The following PLCE1 variants were observed in gnomAD, a reference collection of about 807,000 sequenced individuals.
PLCE1 encodes 1-phosphatidylinositol 4,5-bisphosphate phosphodiesterase epsilon-1.
In PLCE1, 119 loss-of-function variants were observed where a neutral mutation model predicts 242.8. The ratio of observed to expected loss-of-function variants is 0.49; its 90% CI spans 0.42 to 0.57. PLCE1 has a LOEUF of 0.57. Ranked by LOEUF, PLCE1 falls within the 20% of genes least tolerant of loss-of-function variation. PLCE1 has a pLI of 0.00. For missense variants in PLCE1, 2,441 were observed against 2,788.8 expected (o/e 0.88, Z 2.81); for synonymous variants, 945 against 1,017.4 (o/e 0.93, Z 1.35).
chr10:94,164,091 C>T (rs2047711655), intron 3 of PLCE1, among the ~76,000 whole-genome samples: 1 of 152,102 alleles, frequency 6.6e-6, no homozygotes, highest in African/African-American at 2.4e-5. Flanking sequence ...AACATTTTTT[C>T]CTTCATTTCA....
chr10:94,215,279 C>T (rs912070794), intron 4 of PLCE1, among the ~76,000 whole-genome samples: 2 of 152,152 alleles, frequency 1.3e-5, no homozygotes, highest in African/African-American at 4.8e-5. Context: ...AGGGCAGCAC[C>T]AACATGGAGT....
chr10:94,039,592 G>A (rs934540999), intron 2 of PLCE1, among the ~76,000 whole-genome samples: 3 of 152,016 alleles, frequency 2.0e-5, no homozygotes, highest in Admixed American at 6.6e-5. Context: ...CACCATGTTG[G>A]CCAGGCTGGT....
intron 4 of PLCE1, among the ~76,000 whole-genome samples, chr10:94,212,786 A>G (rs1488594743): frequency 1.3e-5 from 2 of 152,242 alleles, no homozygotes; most frequent in Non-Finnish European, 1.5e-5. Flanking sequence ...AACATTGCTG[A>G]TCTGTTTCTG....
chr10:94,274,559 T>C (rs2051875130), intron 19 of PLCE1, among the ~76,000 whole-genome samples: 1 of 139,320 alleles, frequency 7.2e-6, no homozygotes, highest in African/African-American at 2.6e-5. Context: ...AATCAGCCAC[T>C]TTCAGGGGCT....
chr10:94,265,185 T>C (rs142316898), intron 14 of PLCE1, among the ~76,000 whole-genome samples: 113 of 152,292 alleles, frequency 7.4e-4, no homozygotes, highest in Non-Finnish European at 1.4e-3. Flanking sequence ...GTATTAGTTG[T>C]CCAGCAGTTG....
At chr10:94,029,183 G>A (rs912695397) in intron 1 of PLCE1, among the ~76,000 whole-genome samples, 6 of 152,032 alleles carry the variant, frequency 3.9e-5, no homozygotes, top group South Asian at 2.1e-4. Flanking sequence ...CACCAAAAAT[G>A]TTTTCCCCTT....
intron 3 of PLCE1, among the ~76,000 whole-genome samples, chr10:94,166,004 C>A (rs1008453159): frequency 1.3e-5 from 2 of 152,132 alleles, no homozygotes; most frequent in African/African-American, 2.4e-5. Flanking sequence ...CCATGCCTGG[C>A]TCATTTTGAT....
At chr10:94,291,228 A>G (rs1277777536) in intron 22 of PLCE1, among the ~76,000 whole-genome samples, 1 of 152,050 alleles carries the variant, frequency 6.6e-6, no homozygotes, top group Non-Finnish European at 1.5e-5. Context: ...GGCTCAAGCG[A>G]TTCTCCTGCC....
intron 3 of PLCE1, among the ~76,000 whole-genome samples, chr10:94,164,939 G>C (rs2047743090): frequency 6.6e-6 from 1 of 152,210 alleles, no homozygotes; most frequent in Non-Finnish European, 1.5e-5. Flanking sequence ...ACCAGAGGCT[G>C]CAGAACAGTG....
At chr10:94,277,539 G>C (rs138940849) in intron 19 of PLCE1, among the ~76,000 whole-genome samples, 1 of 152,078 alleles carries the variant, frequency 6.6e-6, no homozygotes, top group African/African-American at 2.4e-5. Flanking sequence ...ACTGCTATTC[G>C]TGGTTCTTTG....
At chr10:94,011,701 A>G (rs1001985862) in intron 1 of PLCE1, among the ~76,000 whole-genome samples, 3 of 152,178 alleles carry the variant, frequency 2.0e-5, no homozygotes, top group African/African-American at 7.2e-5. Flanking sequence ...AATATATAAA[A>G]TTTAAAATTC....
chr10:94,241,252 A>G (rs1012237838), intron 7 of PLCE1, among the ~76,000 whole-genome samples: 1 of 152,204 alleles, frequency 6.6e-6, no homozygotes, highest in Admixed American at 6.5e-5. Context: ...GAAAAGCCTT[A>G]TAATTTTTCT....
rs747936450 is a variant in PLCE1, at chr10:94,246,321, G to A, written c.2796G>A (p.Thr932=). The part of the protein sequence containing the change: ...LLGNAGLSSL[T]EGVLDLFAVK... Reference sequence around the variant, plus strand: ...GTAATGCTGGATTAAGTAGCCTGACGGAAGGGGTCTTGGATCTTTTTGCAG... The same window carrying A: ...GTAATGCTGGATTAAGTAGCCTGACAGAAGGGGTCTTGGATCTTTTTGCAG... Residue 932 remains threonine, a synonymous_variant, in exon 8 of 33, where the codon ACG becomes ACA. Coordinates refer to ENST00000371380, the MANE Select transcript of PLCE1 (RefSeq NM_016341.4). 5.0e-6 allele frequency: 8 copies of A among 1,614,056 alleles called. No individual in the cohort carries two copies. Among genetic ancestry groups the A allele is most frequent in the Non-Finnish European group, 6.8e-6 (8 of 1,180,030 alleles).
chr10:93,994,093 G>A lies in PLCE1; in HGVS notation c.-530G>A, dbSNP rs1379825829. 6.7e-6 allele frequency among the ~76,000 whole-genome samples: 1 copy of A among 148,838 alleles called. No individual in the cohort carries two copies. Among genetic ancestry groups the A allele is most frequent in the Non-Finnish European group, 1.5e-5 (1 of 67,500 alleles). ...TCCCGGGCTCTGCCTCCCGGGCTCTGCCTCTCGGGCACTTGCCTGGCTCCT... is the reference window on the plus strand; with the variant it reads ...TCCCGGGCTCTGCCTCCCGGGCTCTACCTCTCGGGCACTTGCCTGGCTCCT... On this transcript the variant is annotated 5_prime_UTR_variant, in exon 1 of 33. Coordinates refer to ENST00000371380, the MANE Select transcript of PLCE1 (RefSeq NM_016341.4).
rs140323865 is a variant in PLCE1, at chr10:94,127,545, C to T, written c.1207-4629C>T. Among the ~76,000 whole-genome samples the T allele has an allele frequency of 3.3e-5, 5 of 152,250 alleles. No individual in the cohort carries two copies. In the East Asian group the frequency reaches 5.8e-4, roughly 18 times the overall value. On this transcript the variant is annotated intron_variant, in intron 2 of 32. Coordinates refer to ENST00000371380, the MANE Select transcript of PLCE1 (RefSeq NM_016341.4). ...TTCAAGACTGCTTGCATCATATTGG[C>T]TAAATTTCCATTAGTTAAGGAAATC...
Position 94,004,508 on chromosome 10 carries a change from C to T in PLCE1, c.-365+10250C>T, listed in dbSNP as rs749637619. On this transcript the variant is annotated intron_variant, in intron 1 of 32. Coordinates refer to ENST00000371380, the MANE Select transcript of PLCE1 (RefSeq NM_016341.4). ...TACTTTAACTCTGCGTTTGACAGCACCTGTGGGACTCAGAAACTGACCCAG... is the reference window on the plus strand; with the variant it reads ...TACTTTAACTCTGCGTTTGACAGCATCTGTGGGACTCAGAAACTGACCCAG... 1.1e-4 allele frequency among the ~76,000 whole-genome samples: 16 copies of T among 152,314 alleles called. No homozygotes were observed. The Middle Eastern group carries it at 0.014, about 130-fold the overall frequency.
At chr10:94,284,175 G>A (rs1006077263) in intron 21 of PLCE1, among the ~76,000 whole-genome samples, 7 of 152,074 alleles carry the variant, frequency 4.6e-5, no homozygotes, top group African/African-American at 1.4e-4. Flanking sequence ...TAGTGATGAA[G>A]GCAGACATGT....
chr10:94,220,815 A>T (rs1465352308), intron 4 of PLCE1, among the ~76,000 whole-genome samples: 1 of 152,110 alleles, frequency 6.6e-6, no homozygotes, highest in Admixed American at 6.6e-5. Flanking sequence ...CTGAAAAGGG[A>T]ATTAGGGCTC....
Position 94,275,834 on chromosome 10 carries a change from C to CA in PLCE1, c.4665+2128dup, listed in dbSNP as rs150183729. On this transcript the variant is annotated intron_variant, in intron 19 of 32. Transcript: ENST00000371380. ...TGGGCCATAGAGTAAGACCCTGACTCAAAAAAAAAAAAAATTCTTTAGCAC... is the reference window on the plus strand; with the variant it reads ...TGGGCCATAGAGTAAGACCCTGACTCAAAAAAAAAAAAAAATTCTTTAGCAC... Among the ~76,000 whole-genome samples, 320 of 135,600 alleles carry CA rather than the reference C, an allele frequency of 2.4e-3. 1 individual carries two copies. The highest frequency in any genetic ancestry group is 4.9e-3 in the South Asian group (21 of 4,276). 89.0% of individuals were successfully genotyped at this position (135,600 alleles called of 152,430 possible). A position where few individuals can be genotyped will look rare whatever the true frequency, so the allele number is the denominator to read the frequency against.
Sources: gnomAD v4.1 joint callset for allele counts (sites outside exome capture counted in the v4.1 genomes callset) on GRCh38, gnomAD v4.1.1 for gene constraint, MANE v1.5 for transcripts, NCBI Gene and HGNC (gene_info 2026-07-23, HGNC 2026-07-21) for gene names.